Variants in GPHN observed in about 807,000 individuals in gnomAD.
GPHN encodes gephyrin.
A neutral mutation model predicts 95.5 loss-of-function variants in GPHN; 17 were observed. That is an observed-to-expected ratio of 0.18 (90% CI 0.12 to 0.27). The LOEUF is 0.27. Ranked by LOEUF, GPHN falls within the 10% of genes least tolerant of loss-of-function variation. GPHN has a pLI of 1.00. For missense variants in GPHN, 660 were observed against 978.1 expected (o/e 0.67, Z 4.34); for synonymous variants, 320 against 322.5 (o/e 0.99, Z 0.08).
downstream of GPHN, among the ~76,000 whole-genome samples, chr14:67,182,989 T>C (rs1359234105): frequency 6.6e-6 from 1 of 151,848 alleles, no homozygotes; most frequent in African/African-American, 2.4e-5. Context: ...GGAATTACAG[T>C]TGTGAGACAC....
chr14:67,496,423 A>G, the GPHN span, among the ~76,000 whole-genome samples: 6 of 15,290 alleles, frequency 3.9e-4, no homozygotes, highest in Non-Finnish European at 5.1e-4. Flanking sequence ...TTTTTTTTTG[A>G]GACAGGGTCT....
chr14:66,720,000 A>G (rs1199172433), intron 2 of GPHN, among the ~76,000 whole-genome samples: 1 of 152,132 alleles, frequency 6.6e-6, no homozygotes, highest in Non-Finnish European at 1.5e-5. Context: ...GTTTTTTGTA[A>G]GGCAGTAATC....
the GPHN span, among the ~76,000 whole-genome samples, chr14:67,358,380 T>C: frequency 0.027 from 4,095 of 152,268 alleles, 77 homozygotes; most frequent in Non-Finnish European, 0.043. Flanking sequence ...CAGAAAGAAA[T>C]CTGGGCTTCA....
the GPHN span, among the ~76,000 whole-genome samples, chr14:67,458,457 C>A: frequency 1.3e-5 from 2 of 152,222 alleles, no homozygotes; most frequent in African/African-American, 2.4e-5. Flanking sequence ...TCCCCAGCAT[C>A]CCTAGTGGGT....
chr14:67,132,390 C>T (rs2079774224), intron 17 of GPHN, among the ~76,000 whole-genome samples: 1 of 152,144 alleles, frequency 6.6e-6, no homozygotes, highest in Admixed American at 6.6e-5. Flanking sequence ...TATCTGCTCT[C>T]CTTATGGCAT....
At chr14:67,674,551 C>T in the GPHN span, 1 of 1,438,630 alleles carries the variant, frequency 7.0e-7, no homozygotes. Flanking sequence ...TTTCCTAGCC[C>T]GGCGGTCAGC....
rs77481245 is a variant in GPHN at position 66,570,153 on chromosome 14, A to G, written c.64+61562A>G. ...TTTTTTAAGGTTGAATAGTCTTCCAATGTATATGTATATACCACATTTTCT... is the reference window on the plus strand; with the variant it reads ...TTTTTTAAGGTTGAATAGTCTTCCAGTGTATATGTATATACCACATTTTCT... On this transcript the variant is annotated intron_variant, in intron 1 of 22. Transcript: ENST00000478722. Among the ~76,000 whole-genome samples, 89 of 152,242 alleles carry G rather than the reference A, an allele frequency of 5.8e-4. 3 individuals carry two copies. In the East Asian group the frequency reaches 0.014, roughly 24 times the overall value.
At chr14:67,065,762 T>C (rs1292433544) in intron 11 of GPHN, among the ~76,000 whole-genome samples, 5 of 151,464 alleles carry the variant, frequency 3.3e-5, no homozygotes, top group Non-Finnish European at 5.9e-5. Context: ...CCCTGCTTTT[T>C]TTTTTTTTTT....
chr14:66,872,694 G>A (rs971058430), intron 4 of GPHN, among the ~76,000 whole-genome samples: 9 of 152,058 alleles, frequency 5.9e-5, no homozygotes, highest in Middle Eastern at 6.8e-3. Flanking sequence ...TCAGGAGTTC[G>A]AGACCAGCTT....
intron 11 of GPHN, among the ~76,000 whole-genome samples, chr14:67,067,162 G>C (rs538754247): frequency 8.5e-5 from 13 of 152,176 alleles, no homozygotes; most frequent in Non-Finnish European, 1.5e-4. Context: ...CTTTCTGTTT[G>C]TTAGTTTTCC....
chr14:67,402,880 A>T, the GPHN span, among the ~76,000 whole-genome samples: 3 of 152,210 alleles, frequency 2.0e-5, no homozygotes, highest in Non-Finnish European at 4.4e-5. Context: ...TGCAACAGAC[A>T]TGGGTGTGCA....
intron 8 of GPHN, among the ~76,000 whole-genome samples, chr14:66,956,661 T>C (rs1438525809): frequency 2.0e-5 from 3 of 152,010 alleles, no homozygotes; most frequent in Non-Finnish European, 2.9e-5. Context: ...TTTCATGTGT[T>C]TTTTGGCTGC....
At chr14:66,669,941 G>A (rs1007559491) in intron 1 of GPHN, among the ~76,000 whole-genome samples, 1 of 152,102 alleles carries the variant, frequency 6.6e-6, no homozygotes. Context: ...CTTGGTCTTA[G>A]CACCTGTCAT....
the GPHN span, among the ~76,000 whole-genome samples, chr14:67,283,667 T>G: frequency 3.3e-5 from 5 of 152,184 alleles, no homozygotes; most frequent in Non-Finnish European, 7.4e-5. Flanking sequence ...TTTGAAGTGT[T>G]GGGATCATTT....
chr14:67,592,497 C>T, the GPHN span: 1 of 596,880 alleles, frequency 1.7e-6, no homozygotes, highest in Middle Eastern at 4.3e-4. Flanking sequence ...CAGAGAGGAA[C>T]TTCTCAAATA....
At chr14:67,139,532 A>G (rs571809859) in intron 17 of GPHN, among the ~76,000 whole-genome samples, 2 of 152,336 alleles carry the variant, frequency 1.3e-5, no homozygotes, top group East Asian at 3.9e-4. Context: ...GCATTTAATA[A>G]GAAGCCAGAG....
chr14:67,729,268 C>T, the GPHN span: 1 of 1,607,614 alleles, frequency 6.2e-7, no homozygotes, highest in Non-Finnish European at 8.5e-7. Context: ...CCTGCTCTGC[C>T]TGCTCTGGCG....
chr14:66,676,725 C>G (rs2066613529), intron 1 of GPHN, among the ~76,000 whole-genome samples: 1 of 105,480 alleles, frequency 9.5e-6, no homozygotes, highest in South Asian at 2.9e-4. Context: ...GTATTTTGTT[C>G]AGGATTTTTG....
chr14:67,206,352 C>A, the GPHN span, among the ~76,000 whole-genome samples: 1 of 151,610 alleles, frequency 6.6e-6, no homozygotes, highest in Non-Finnish European at 1.5e-5. Flanking sequence ...TAAAAATTAG[C>A]CGGTGTGGTA....
Sources: allele counts gnomAD v4.1 joint callset (sites outside exome capture counted in the v4.1 genomes callset), GRCh38; gene constraint gnomAD v4.1.1; transcripts MANE v1.5; gene names NCBI Gene and HGNC (gene_info 2026-07-23, HGNC 2026-07-21).